Variants in GABRA5 observed in about 807,000 individuals in gnomAD.
GABRA5 encodes the protein gamma-aminobutyric acid receptor subunit alpha-5.
In GABRA5, 18 loss-of-function variants were observed where a neutral mutation model predicts 47.3. That is an observed-to-expected ratio of 0.38 (90% CI 0.26 to 0.56). GABRA5 has a LOEUF of 0.56. GABRA5 is among the 20% of genes least tolerant of loss of function. GABRA5 has a pLI of 0.71. For synonymous variants in GABRA5, 237 were observed against 229.3 expected (o/e 1.03, Z -0.30); for missense variants, 365 against 599.3 (o/e 0.61, Z 4.08).
At chr15:26,898,054 A>G (rs907194570) in intron 6 of GABRA5, among the ~76,000 whole-genome samples, 2 of 152,184 alleles carry the variant, frequency 1.3e-5, no homozygotes, top group African/African-American at 2.4e-5. Context: ...AGGGGTAATG[A>G]TAGACTGACA....
In GABRA5 at chr15:26,949,165, C is replaced by T. The variant is rs1353945177; in HGVS notation, c.*932C>T. The T allele has an allele frequency of 6.6e-6, 1 of 150,902 alleles. No homozygotes were observed. Among genetic ancestry groups the T allele is most frequent in the Non-Finnish European group, 1.5e-5 (1 of 67,908 alleles). The allele number at this position is 150,902 out of a possible 1,614,324, so 9.3% of individuals were successfully genotyped here. A position where few individuals can be genotyped will look rare whatever the true frequency, so the allele number is the denominator to read the frequency against. On this transcript the variant is annotated 3_prime_UTR_variant, in exon 11 of 11. Transcript: ENST00000335625. ...GCTCTGTCAGCTTTTGTATATGAAT[C>T]TTAAATGTTCATTAAAAAATAAAAA...
At chr15:26,939,643 C>G in intron 8 of GABRA5, 1 of 598,810 alleles carries the variant, frequency 1.7e-6, no homozygotes, top group Non-Finnish European at 3.0e-6. Flanking sequence ...GAGAGAGGCA[C>G]AGATTGTGAC....
At chr15:26,876,682 A>C (rs1387540543) in intron 3 of GABRA5, among the ~76,000 whole-genome samples, 1 of 152,148 alleles carries the variant, frequency 6.6e-6, no homozygotes, top group Non-Finnish European at 1.5e-5. Context: ...GCTCATATGG[A>C]CAAATCTCCC....
At position 26,883,640 on chromosome 15, in the gene GABRA5, G is replaced by A. The variant is rs996421944; in HGVS notation, c.497+83G>A. ...CCCATCCTGCCGCAAGAGCTGCGCC[G>A]CGGAGCTGTTCTGACCATAGGTCTG... On this transcript the variant is annotated intron_variant, in intron 6 of 10. Coordinates refer to ENST00000335625, the MANE Select transcript of GABRA5 (RefSeq NM_000810.4). The surrounding 1 kb of genome is among the most constrained non-coding windows in gnomAD (Gnocchi z 4.8). The A allele has an allele frequency of 7.1e-6, 8 of 1,132,906 alleles. No individual in the cohort carries two copies. The highest frequency in any genetic ancestry group is 3.2e-5 in the South Asian group (2 of 63,240). 70.2% of individuals were successfully genotyped at this position (1,132,906 alleles called of 1,614,324 possible).
chr15:26,904,223 CT>C (rs1399518986), intron 6 of GABRA5, among the ~76,000 whole-genome samples: 1 of 151,946 alleles, frequency 6.6e-6, no homozygotes, highest in African/African-American at 2.4e-5. Context: ...ATAGGGAGTC[CT>C]TTTCCCATTG....
rs1892344252 is a variant in GABRA5 at position 26,867,404 on chromosome 15, G to C, written c.-140+293G>C. 1 of 152,042 alleles carries C rather than the reference G, an allele frequency of 6.6e-6. No individual in the cohort carries two copies. Among genetic ancestry groups the C allele is most frequent in the East Asian group, 2.0e-4 (1 of 5,070 alleles). 9.4% of individuals were successfully genotyped at this position (152,042 alleles called of 1,614,324 possible). A position where few individuals can be genotyped will look rare whatever the true frequency, so the allele number is the denominator to read the frequency against. On this transcript the variant is annotated intron_variant, in intron 1 of 10. Coordinates refer to ENST00000335625, the MANE Select transcript of GABRA5 (RefSeq NM_000810.4). The surrounding 1 kb of genome is among the most constrained non-coding windows in gnomAD (Gnocchi z 5.9). ...CGCAGGGTGAGCCCTGGGCGCGCTG[G>C]GCCGGGGCAGTGGGGTAAGAGGACG... is the stretch of plus-strand genomic sequence containing the variant.
At position 26,883,531 on chromosome 15, in the gene GABRA5, C is replaced by G. The variant is rs764304732; in HGVS notation, c.471C>G (p.Asp157Glu). The change falls in exon 6 of 11, where the codon GAC becomes GAG. Residue 157 changes from aspartate (D) to glutamate (E), a missense_variant. This residue lies in a region of GABRA5 where 216 missense variants were observed against 335.3 expected (regional missense o/e 0.64). Coordinates refer to ENST00000335625, the MANE Select transcript of GABRA5 (RefSeq NM_000810.4). The surrounding 1 kb of genome is among the most constrained non-coding windows in gnomAD (Gnocchi z 4.8). Reference sequence around the variant, plus strand: ...CCAACAAGCTGCTGCGGCTGGAGGACGACGGCACCCTGCTCTACACCATGC... The same window carrying G: ...CCAACAAGCTGCTGCGGCTGGAGGAGGACGGCACCCTGCTCTACACCATGC... ...TTPNKLLRLE[D>E]DGTLLYTMRL... is the part of the protein sequence containing the mutation. The G allele has an allele frequency of 6.2e-7, 1 of 1,609,066 alleles. No homozygotes were observed. The highest frequency in any genetic ancestry group is 8.5e-7 in the Non-Finnish European group (1 of 1,177,932).
chr15:26,948,132 C>T lies in GABRA5; in HGVS notation c.1288C>T (p.Arg430Ter). 1 of 1,613,484 alleles carries T rather than the reference C, an allele frequency of 6.2e-7. No homozygotes were observed. Among genetic ancestry groups the T allele is most frequent in the Non-Finnish European group, 8.5e-7 (1 of 1,179,676 alleles). Residue 430 changes from arginine (R) to a stop codon, truncating the protein, a stop_gained, in exon 11 of 11, where the codon CGA becomes TGA. Coordinates refer to ENST00000335625, the MANE Select transcript of GABRA5 (RefSeq NM_000810.4). LOFTEE classifies it high-confidence loss of function. ...NSISKIDKMS[R>*]IVFPVLFGTF... ...TATCAGCAAAATTGACAAAATGTCC[C>T]GAATCGTATTCCCAGTCTTGTTCGG...
chr15:26,898,841 A>G (rs1239407783), intron 6 of GABRA5, among the ~76,000 whole-genome samples: 2 of 151,872 alleles, frequency 1.3e-5, no homozygotes, highest in African/African-American at 4.8e-5. Flanking sequence ...ATTTGACTCC[A>G]GGCACTGCTT....
intron 6 of GABRA5, among the ~76,000 whole-genome samples, chr15:26,898,432 A>G (rs893365213): frequency 2.0e-5 from 3 of 152,244 alleles, no homozygotes; most frequent in African/African-American, 7.2e-5. Context: ...ATCATTTGAA[A>G]GAGTCTGCGT....
At chr15:26,931,206 T>A (rs1482759638) in intron 7 of GABRA5, among the ~76,000 whole-genome samples, 1 of 152,164 alleles carries the variant, frequency 6.6e-6, no homozygotes, top group Admixed American at 6.5e-5. Flanking sequence ...GCCGCCAATT[T>A]CTATCTGGGT....
chr15:26,900,364 T>C (rs1263998651), intron 6 of GABRA5, among the ~76,000 whole-genome samples: 1 of 152,130 alleles, frequency 6.6e-6, no homozygotes. Context: ...ATCAAAAATA[T>C]CATCATACTG....
At chr15:26,939,141 C>T in intron 8 of GABRA5, 1 of 723,476 alleles carries the variant, frequency 1.4e-6, no homozygotes, top group Non-Finnish European at 2.5e-6. Flanking sequence ...AAGAACACTT[C>T]CCATCTCCCC....
chr15:26,876,806 TG>T (rs1476641360), intron 3 of GABRA5, among the ~76,000 whole-genome samples: 1 of 152,164 alleles, frequency 6.6e-6, no homozygotes, highest in Non-Finnish European at 1.5e-5. Flanking sequence ...TGCTTGCTGA[TG>T]GGCATGGCAA....
At chr15:26,937,740 A>G (rs1894282004) in intron 8 of GABRA5, among the ~76,000 whole-genome samples, 1 of 152,246 alleles carries the variant, frequency 6.6e-6, no homozygotes, top group African/African-American at 2.4e-5. Flanking sequence ...AAGAGCTGAA[A>G]TGTACAAGAA....
chr15:26,914,011 C>T (rs150583807), intron 6 of GABRA5, among the ~76,000 whole-genome samples: 1,701 of 152,220 alleles, frequency 0.011, 21 homozygotes, highest in Non-Finnish European at 0.016. Context: ...CAGATCTCCC[C>T]GTGCTGTTAG....
chr15:26,887,994 G>A (rs1433969284), intron 6 of GABRA5, among the ~76,000 whole-genome samples: 1 of 152,072 alleles, frequency 6.6e-6, no homozygotes, highest in Admixed American at 6.6e-5. Context: ...TTTTTAATGG[G>A]AAATCCCTGC....
chr15:26,878,711 A>G (rs1216190593), intron 3 of GABRA5, among the ~76,000 whole-genome samples: 1 of 152,256 alleles, frequency 6.6e-6, no homozygotes, highest in African/African-American at 2.4e-5. Context: ...GCAGACACTG[A>G]CATTCCTCCA....
At chr15:26,893,649 C>A (rs1423781230) in intron 6 of GABRA5, among the ~76,000 whole-genome samples, 1 of 152,012 alleles carries the variant, frequency 6.6e-6, no homozygotes, top group African/African-American at 2.4e-5. Flanking sequence ...GCCCTGTCTG[C>A]GGAGCCCAGG....
Sources: gnomAD v4.1 joint callset for allele counts (sites outside exome capture counted in the v4.1 genomes callset) on GRCh38, gnomAD v4.1.1 for gene constraint, gnomAD v4.1.1 regional missense constraint, Gnocchi (gnomAD v3.1) non-coding constraint, MANE v1.5 for transcripts, NCBI Gene and HGNC (gene_info 2026-07-23, HGNC 2026-07-21) for gene names.